The following AGMO variants were observed in gnomAD, a reference collection of about 807,000 sequenced individuals.
AGMO encodes the protein glyceryl-ether monooxygenase.
AGMO carries 75 observed loss-of-function variants against 60.2 expected under a neutral mutation model. The ratio of observed to expected loss-of-function variants is 1.25; its 90% CI spans 1.03 to 1.51. The LOEUF is 1.51. Among genes scored for constraint, AGMO ranks in the 40% most tolerant of loss-of-function variants. The pLI, the probability that AGMO is intolerant of heterozygous loss-of-function variation, is 0.00. For missense variants in AGMO, 763 were observed against 525.5 expected (o/e 1.45, Z -4.42); for synonymous variants, 261 against 177.1 (o/e 1.47, Z -3.76).
At chr7:15,309,982 T>G (rs984419486) in intron 12 of AGMO, among the ~76,000 whole-genome samples, 4 of 152,144 alleles carry the variant, frequency 2.6e-5, no homozygotes, top group Admixed American at 6.6e-5. Context: ...TCATATAAAT[T>G]TTATGATGAA....
At chr7:15,542,793 AGT>A (rs1443860849) in intron 3 of AGMO, among the ~76,000 whole-genome samples, 1 of 152,202 alleles carries the variant, frequency 6.6e-6, no homozygotes, top group Non-Finnish European at 1.5e-5. Flanking sequence ...ATGAGGAAAT[AGT>A]GTCAGGAACT....
chr7:15,427,750 A>G (rs921666030), intron 4 of AGMO, among the ~76,000 whole-genome samples: 1 of 152,166 alleles, frequency 6.6e-6, no homozygotes. Context: ...TAGGATGTAT[A>G]ATCAAAGATT....
At chr7:15,385,665 A>G in intron 9 of AGMO, 103 bp from the exon 10 acceptor site, 1 of 709,314 alleles carries the variant, frequency 1.4e-6, no homozygotes, top group Non-Finnish European at 2.5e-6. Flanking sequence ...TATTTTTTTT[A>G]AAAAAAGACA....
intron 8 of AGMO, among the ~76,000 whole-genome samples, chr7:15,389,749 G>A (rs1344912574): frequency 6.6e-6 from 1 of 152,062 alleles, no homozygotes; most frequent in Non-Finnish European, 1.5e-5. Flanking sequence ...TGAGAACCTT[G>A]GTTTCCTCCA....
At chr7:15,258,702 G>C (rs1357688673) in intron 12 of AGMO, among the ~76,000 whole-genome samples, 1 of 152,176 alleles carries the variant, frequency 6.6e-6, no homozygotes, top group African/African-American at 2.4e-5. Context: ...CTGGAGCAGG[G>C]GCTGGTATCC....
At chr7:15,502,718 G>A (rs1783419438) in intron 3 of AGMO, among the ~76,000 whole-genome samples, 1 of 152,064 alleles carries the variant, frequency 6.6e-6, no homozygotes, top group Admixed American at 6.6e-5. Context: ...TAGGTATGAA[G>A]AAACAAGAAT....
chr7:15,213,157 T>G lies in AGMO; in HGVS notation c.1264-11798A>C, dbSNP rs552590306. Among the ~76,000 whole-genome samples the G allele has an allele frequency of 2.5e-3, 365 of 148,924 alleles. 1 individual carries two copies. Among genetic ancestry groups the G allele is most frequent in the African/African-American group, 8.0e-3 (330 of 41,078 alleles). On this transcript the variant is annotated intron_variant, in intron 12 of 12. Coordinates refer to ENST00000342526, the MANE Select transcript of AGMO (RefSeq NM_001004320.2). The stretch of plus-strand genomic sequence containing the variant: ...AAAACAAGTATAAATAAAAATTCTA[T>G]TTTTTTTTCCAACTCAATGGATCCT...
chr7:15,208,258 A>C (rs913216813), intron 12 of AGMO, among the ~76,000 whole-genome samples: 3 of 152,200 alleles, frequency 2.0e-5, no homozygotes, highest in African/African-American at 7.2e-5. Flanking sequence ...GGGTTGCAAT[A>C]AGGTCAAATT....
chr7:15,418,065 T>C (rs1780823835), intron 5 of AGMO, among the ~76,000 whole-genome samples: 1 of 152,064 alleles, frequency 6.6e-6, no homozygotes, highest in Admixed American at 6.6e-5. Flanking sequence ...AAATTAACAA[T>C]ATACTGAACA....
intron 3 of AGMO, among the ~76,000 whole-genome samples, chr7:15,498,072 A>G (rs1372020401): frequency 6.6e-6 from 1 of 152,078 alleles, no homozygotes; most frequent in East Asian, 1.9e-4. Flanking sequence ...ATTAGATCAC[A>G]GGGATTAAAC....
chr7:15,483,973 T>G (rs929435331), intron 3 of AGMO, among the ~76,000 whole-genome samples: 1 of 152,154 alleles, frequency 6.6e-6, no homozygotes, highest in African/African-American at 2.4e-5. Context: ...GATAGAAAAA[T>G]AATGCTTCAA....
intron 12 of AGMO, among the ~76,000 whole-genome samples, chr7:15,273,515 G>T (rs980218727): frequency 1.3e-5 from 2 of 152,108 alleles, no homozygotes; most frequent in South Asian, 2.1e-4. Context: ...TGCTGTTTTG[G>T]TTACTGTAGC....
intron 2 of AGMO, among the ~76,000 whole-genome samples, chr7:15,546,170 C>G (rs908606965): frequency 6.6e-6 from 1 of 151,852 alleles, no homozygotes; most frequent in African/African-American, 2.4e-5. Flanking sequence ...TTAAAATAAC[C>G]TCTCATACTT....
chr7:15,432,361 T>TATACATACATATATATATAC (rs370437254), intron 3 of AGMO, among the ~76,000 whole-genome samples: 7 of 123,940 alleles, frequency 5.6e-5, no homozygotes, highest in Non-Finnish European at 8.6e-5. Flanking sequence ...CATATATATA[T>TATACATACATATATATATAC]ACACACACAT....
rs1222207837 is a variant in AGMO, at chr7:15,373,784, A to C, written c.1075-7562T>G. On this transcript the variant is annotated intron_variant, in intron 10 of 12. Coordinates refer to ENST00000342526, the MANE Select transcript of AGMO (RefSeq NM_001004320.2). ...TTATTCTAAGGCTTTAGAAATGAAA[A>C]TCTCTAGATTTTCTTATTAAAACAA... Among the ~76,000 whole-genome samples, 4 of 152,108 alleles carry C rather than the reference A, an allele frequency of 2.6e-5. No individual in the cohort carries two copies. The East Asian group carries it at 7.7e-4, about 29-fold the overall frequency.
intron 12 of AGMO, among the ~76,000 whole-genome samples, chr7:15,299,626 G>C (rs1287944977): frequency 5.3e-5 from 8 of 152,066 alleles, no homozygotes; most frequent in Non-Finnish European, 7.4e-5. Context: ...AGGAGTTCTA[G>C]AGCAGCCTAG....
At chr7:15,267,442 C>A (rs1004094934) in intron 12 of AGMO, among the ~76,000 whole-genome samples, 3 of 151,972 alleles carry the variant, frequency 2.0e-5, no homozygotes, top group African/African-American at 7.2e-5. Context: ...AAAAATGCAT[C>A]AGAATGATTA....
At chr7:15,270,570 G>T (rs1027988950) in intron 12 of AGMO, among the ~76,000 whole-genome samples, 1 of 92,090 alleles carries the variant, frequency 1.1e-5, no homozygotes, top group Non-Finnish European at 2.2e-5. Flanking sequence ...TCATTTTGTA[G>T]ATTAAACAAA....
At chr7:15,350,631 A>C (rs1782206171) in intron 12 of AGMO, among the ~76,000 whole-genome samples, 1 of 152,206 alleles carries the variant, frequency 6.6e-6, no homozygotes, top group Non-Finnish European at 1.5e-5. Context: ...TCAATAAAAA[A>C]GAGCTGGAAT....
Sources: allele counts gnomAD v4.1 joint callset (sites outside exome capture counted in the v4.1 genomes callset), GRCh38; gene constraint gnomAD v4.1.1; transcripts MANE v1.5; gene names NCBI Gene and HGNC (gene_info 2026-07-23, HGNC 2026-07-21).